Variants in LRRC4C observed in about 807,000 individuals in gnomAD.
LRRC4C encodes the protein leucine rich repeat containing 4C, also known as leucine-rich repeat-containing protein 4C.
Under a neutral mutation model 33.6 loss-of-function variants are expected in LRRC4C, and 5 were observed. The ratio of observed to expected loss-of-function variants is 0.15; its 90% CI spans 0.08 to 0.31. The LOEUF (loss-of-function observed/expected upper bound fraction) is 0.31. Ranked by LOEUF, LRRC4C falls within the 10% of genes least tolerant of loss-of-function variation. The pLI is 1.00. For missense variants in LRRC4C, 560 were observed against 796.7 expected (o/e 0.70, Z 3.58); for synonymous variants, 329 against 302.0 (o/e 1.09, Z -0.93).
chr11:40,501,145 GGGTTCCCATGGAACCCA>G (rs1954750343), intron 3 of LRRC4C, among the ~76,000 whole-genome samples: 1 of 150,276 alleles, frequency 6.7e-6, no homozygotes, highest in African/African-American at 2.5e-5. Flanking sequence ...GCAAGGGGGT[GGGTTCCCATGGAACCCA>G]CAACAACTGA....
intron 3 of LRRC4C, among the ~76,000 whole-genome samples, chr11:40,373,259 A>C (rs571086019): frequency 6.6e-6 from 1 of 152,154 alleles, no homozygotes; most frequent in South Asian, 2.1e-4. Context: ...ACCTCGGGGT[A>C]ATGAATGATA....
chr11:40,253,982 A>C (rs1866994770), intron 4 of LRRC4C, among the ~76,000 whole-genome samples: 1 of 152,220 alleles, frequency 6.6e-6, no homozygotes, highest in South Asian at 2.1e-4. Flanking sequence ...TACTGAAAGC[A>C]GATTATCAAA....
At chr11:40,615,263 T>TACAC (rs1160517285) in intron 3 of LRRC4C, among the ~76,000 whole-genome samples, 3 of 50,296 alleles carry the variant, frequency 6.0e-5, no homozygotes, top group African/African-American at 1.2e-4. Context: ...TATATATATA[T>TACAC]ATACACACAC....
At chr11:41,106,625 G>A (rs895834419) in intron 1 of LRRC4C, among the ~76,000 whole-genome samples, 6 of 152,072 alleles carry the variant, frequency 3.9e-5, no homozygotes, top group Admixed American at 3.3e-4. Flanking sequence ...GTAGTTATTT[G>A]GCTCATGAGC....
intron 2 of LRRC4C, among the ~76,000 whole-genome samples, chr11:40,834,470 CAA>C (rs1166883264): frequency 1.7e-4 from 12 of 71,356 alleles, no homozygotes; most frequent in Non-Finnish European, 2.0e-4. Context: ...GATTCCATCT[CAA>C]AAAAAAAAAA....
At chr11:40,839,858 A>G (rs1439935073) in intron 2 of LRRC4C, among the ~76,000 whole-genome samples, 2 of 152,216 alleles carry the variant, frequency 1.3e-5, no homozygotes, top group Non-Finnish European at 2.9e-5. Flanking sequence ...TCCATAAAAA[A>G]TAATTTCAAT....
intron 1 of LRRC4C, among the ~76,000 whole-genome samples, chr11:41,305,927 A>T (rs576799308): frequency 0.03 from 3,578 of 119,676 alleles, 156 homozygotes; most frequent in African/African-American, 0.094. Context: ...AAAAAATAAT[A>T]AAATAAAATA....
intron 3 of LRRC4C, among the ~76,000 whole-genome samples, chr11:40,474,434 A>C (rs911899302): frequency 6.6e-6 from 1 of 152,240 alleles, no homozygotes; most frequent in Non-Finnish European, 1.5e-5. Context: ...AAATTAACTC[A>C]GGATGGGTTA....
chr11:40,825,106 G>T (rs1364404396), intron 2 of LRRC4C, among the ~76,000 whole-genome samples: 1 of 151,840 alleles, frequency 6.6e-6, no homozygotes, highest in Non-Finnish European at 1.5e-5. Context: ...AAACTCCGAG[G>T]TAGATGTTAA....
Position 40,603,393 on chromosome 11 carries a change from C to T in LRRC4C, c.-270+44749G>A, listed in dbSNP as rs570810779. 4.6e-5 allele frequency among the ~76,000 whole-genome samples: 7 copies of T among 152,278 alleles called. No individual in the cohort carries two copies. The East Asian group carries it at 1.2e-3, about 25-fold the overall frequency. The stretch of plus-strand genomic sequence containing the variant: ...CAGTCATATCTTATGACTGGGTTGG[C>T]TTTTGAACTAATATTCAAGTGAGTT... On this transcript the variant is annotated intron_variant, in intron 3 of 6. Transcript: ENST00000528697.
chr11:40,408,970 G>A (rs1387842960), intron 3 of LRRC4C, among the ~76,000 whole-genome samples: 1 of 151,772 alleles, frequency 6.6e-6, no homozygotes, highest in African/African-American at 2.4e-5. Flanking sequence ...AGCAAATAAA[G>A]TGAAGCTGAA....
intron 3 of LRRC4C, among the ~76,000 whole-genome samples, chr11:40,347,612 T>C (rs1947192615): frequency 6.6e-6 from 1 of 152,220 alleles, no homozygotes; most frequent in African/African-American, 2.4e-5. Context: ...AATATTTATT[T>C]ATTTTATTGT....
intron 2 of LRRC4C, among the ~76,000 whole-genome samples, chr11:40,932,301 C>G (rs1957663786): frequency 1.3e-5 from 2 of 151,614 alleles, no homozygotes; most frequent in South Asian, 4.2e-4. Flanking sequence ...ACTGGAAATG[C>G]AATGCACAAT....
intron 1 of LRRC4C, among the ~76,000 whole-genome samples, chr11:41,108,819 TTGAC>T (rs1433698004): frequency 1.3e-5 from 2 of 152,070 alleles, no homozygotes; most frequent in African/African-American, 4.8e-5. Context: ...AATTATTATC[TTGAC>T]TGACTTTGAT....
At chr11:40,275,218 G>C (rs1253984131) in intron 4 of LRRC4C, among the ~76,000 whole-genome samples, 2 of 151,906 alleles carry the variant, frequency 1.3e-5, no homozygotes, top group Non-Finnish European at 2.9e-5. Context: ...GCCTCTATCT[G>C]TTATTGCAAG....
At chr11:40,872,871 T>C (rs1287201439) in intron 2 of LRRC4C, among the ~76,000 whole-genome samples, 1 of 152,206 alleles carries the variant, frequency 6.6e-6, no homozygotes, top group Non-Finnish European at 1.5e-5. Context: ...CAGGATCACA[T>C]TTTTTAATTG....
chr11:41,002,497 A>G (rs777273451), intron 1 of LRRC4C, among the ~76,000 whole-genome samples: 1 of 152,182 alleles, frequency 6.6e-6, no homozygotes, highest in Admixed American at 6.5e-5. Context: ...AGACAGCATC[A>G]TATGTCCCAC....
intron 3 of LRRC4C, among the ~76,000 whole-genome samples, chr11:40,338,111 T>G (rs1318567202): frequency 2.0e-5 from 3 of 152,230 alleles, no homozygotes; most frequent in African/African-American, 7.2e-5. Context: ...CTAAAATGCT[T>G]TTAAATTTCC....
chr11:40,630,295 A>C (rs147754291), intron 3 of LRRC4C, among the ~76,000 whole-genome samples: 33 of 151,880 alleles, frequency 2.2e-4, no homozygotes, highest in African/African-American at 7.7e-4. Flanking sequence ...ACTTTAATAC[A>C]GTCCCTTGTT....
Sources: allele counts gnomAD v4.1 joint callset (sites outside exome capture counted in the v4.1 genomes callset), GRCh38; gene constraint gnomAD v4.1.1; transcripts MANE v1.5; gene names NCBI Gene and HGNC (gene_info 2026-07-23, HGNC 2026-07-21).